N4BP2: variants seen among roughly 807,000 people sequenced by gnomAD.
N4BP2 encodes NEDD4 binding protein 2.
In N4BP2, 91 loss-of-function variants were observed where a neutral mutation model predicts 152.8. The ratio of observed to expected loss-of-function variants is 0.60; its 90% CI spans 0.50 to 0.71. The LOEUF (loss-of-function observed/expected upper bound fraction) is 0.71. Among genes scored for constraint, N4BP2 ranks in the 30% least tolerant of loss-of-function variants. The probability of loss-of-function intolerance (pLI) is 0.00; values close to 1 mark genes in which losing one functional copy is unlikely to be tolerated. For missense variants in N4BP2, 1,923 were observed against 2,059.1 expected, an observed-to-expected ratio of 0.93 and a Z score of 1.28; for synonymous variants, 646 against 705.3, an observed-to-expected ratio of 0.92 and a Z score of 1.33.
chr4:40,096,021 A>G (rs999673950), intron 2 of N4BP2, among the ~76,000 whole-genome samples: 3 of 152,130 alleles, frequency 2.0e-5, no homozygotes, highest in African/African-American at 7.2e-5. Flanking sequence ...GTCAGACCCA[A>G]TGATTAGAGC....
chr4:40,069,883 C>G (rs1711970355), intron 1 of N4BP2, among the ~76,000 whole-genome samples: 1 of 152,132 alleles, frequency 6.6e-6, no homozygotes, highest in Admixed American at 6.6e-5. Flanking sequence ...CCACTGCACT[C>G]CAGCCTGGGT....
Position 40,137,094 on chromosome 4 carries a change from C to T in N4BP2, c.4785+12C>T, listed in dbSNP as rs764435263. 4 of 1,588,530 alleles carry T rather than the reference C, an allele frequency of 2.5e-6. No individual in the cohort carries two copies. The highest frequency in any genetic ancestry group is 3.4e-6 in the Non-Finnish European group (4 of 1,167,772). ...CTAAAGAGAAAAAGGTATGGAGTTA[C>T]TAATTTTTTTTCTACAAGGGTAGAT... On this transcript the variant is annotated intron_variant, in intron 14 of 17. Coordinates refer to ENST00000261435, the MANE Select transcript of N4BP2 (RefSeq NM_018177.6).
At chr4:40,140,997 A>C (rs1719877209) in intron 14 of N4BP2, among the ~76,000 whole-genome samples, 1 of 151,312 alleles carries the variant, frequency 6.6e-6, no homozygotes, top group South Asian at 2.1e-4. Flanking sequence ...CTCCTACTAC[A>C]CAAACACGGC....
At chr4:40,071,673 T>A (rs1331156942) in intron 1 of N4BP2, among the ~76,000 whole-genome samples, 1 of 151,940 alleles carries the variant, frequency 6.6e-6, no homozygotes, top group South Asian at 2.1e-4. Context: ...TTCAGGTGAT[T>A]CTCCTGCCTC....
chr4:40,144,072 A>G (rs1704160), intron 15 of N4BP2, among the ~76,000 whole-genome samples: 122,384 of 151,690 alleles, frequency 0.81, 49,596 homozygotes, highest in East Asian at 0.97. Flanking sequence ...AAGAGCCACC[A>G]AGAGGCAGCT....
At position 40,122,310 on chromosome 4, in the gene N4BP2, G is replaced by A. The variant is rs773490525; in HGVS notation, c.4198+1G>A. 3.2e-6 allele frequency: 5 copies of A among 1,543,680 alleles called. No individual in the cohort carries two copies. The African/African-American group carries it at 4.1e-5, about 13-fold the overall frequency. On this transcript the variant is annotated splice_donor_variant, in intron 9 of 17. Coordinates refer to ENST00000261435, the MANE Select transcript of N4BP2 (RefSeq NM_018177.6). LOFTEE classifies it high-confidence loss of function. ...TTTGGTCCTGTTGGTATTGATTCAG[G>A]TAAGGAAAAAGTAAATGACCATGTG...
the N4BP2 span, among the ~76,000 whole-genome samples, chr4:40,168,450 T>A: frequency 6.6e-6 from 1 of 152,182 alleles, no homozygotes; most frequent in Non-Finnish European, 1.5e-5. Context: ...TGGGACAAGC[T>A]ATTAATGAAC....
At chr4:40,069,741 C>G (rs984101398) in intron 1 of N4BP2, among the ~76,000 whole-genome samples, 5 of 152,044 alleles carry the variant, frequency 3.3e-5, no homozygotes, top group African/African-American at 9.7e-5. Context: ...GACCCTGTCT[C>G]TACAAAACAA....
At chr4:40,110,953 C>T (rs904719242) in intron 5 of N4BP2, among the ~76,000 whole-genome samples, 1 of 152,126 alleles carries the variant, frequency 6.6e-6, no homozygotes, top group African/African-American at 2.4e-5. Flanking sequence ...TGTTGTGGTA[C>T]ATCATTAATT....
In N4BP2 at chr4:40,095,777, C is replaced by T. The variant is rs142172693; in HGVS notation, c.-114-1450C>T. ...AATTTGAAGGAGTACAGGAGTTAGC[C>T]GTGCAGATATCTTGAGGAAGAGTAT... On this transcript the variant is annotated intron_variant, in intron 2 of 17. Coordinates refer to ENST00000261435, the MANE Select transcript of N4BP2 (RefSeq NM_018177.6). Among the ~76,000 whole-genome samples, 15 of 152,174 alleles carry T rather than the reference C, an allele frequency of 9.9e-5. No homozygotes were observed. The East Asian group carries it at 1.4e-3, about 14-fold the overall frequency.
At chr4:40,101,250 G>A (rs1399269175) in intron 3 of N4BP2, among the ~76,000 whole-genome samples, 2 of 152,120 alleles carry the variant, frequency 1.3e-5, no homozygotes, top group Non-Finnish European at 2.9e-5. Context: ...TCTGCCTCCC[G>A]GGTTCAAGAG....
chr4:40,160,063 A>G (rs991035251), downstream of N4BP2, among the ~76,000 whole-genome samples: 4 of 151,992 alleles, frequency 2.6e-5, no homozygotes, highest in African/African-American at 9.7e-5. Flanking sequence ...TAGGTGATCC[A>G]TCCGCCTCAG....
chr4:40,081,280 C>T (rs1454283056), intron 2 of N4BP2, among the ~76,000 whole-genome samples: 3 of 152,104 alleles, frequency 2.0e-5, no homozygotes, highest in Non-Finnish European at 4.4e-5. Flanking sequence ...TTAAGTCAGT[C>T]CCTTTTGTGT....
In N4BP2 at chr4:40,129,415, T is replaced by C. The variant is rs553700997; in HGVS notation, c.4528-2386T>C. ...CTAATTTTTGTATTTTTAGAAGAGA[T>C]GGGGTTTCACCATGTTGGCCAGGCT... On this transcript the variant is annotated intron_variant, in intron 12 of 17. Coordinates refer to ENST00000261435, the MANE Select transcript of N4BP2 (RefSeq NM_018177.6). Among the ~76,000 whole-genome samples, 3 of 151,982 alleles carry C rather than the reference T, an allele frequency of 2.0e-5. No individual in the cohort carries two copies. The South Asian group carries it at 6.2e-4, about 32-fold the overall frequency.
Position 40,141,861 on chromosome 4 carries a change from G to A in N4BP2, c.4786-812G>A, listed in dbSNP as rs558690984. Among the ~76,000 whole-genome samples, 6 of 152,290 alleles carry A rather than the reference G, an allele frequency of 3.9e-5. No homozygotes were observed. The South Asian group carries it at 6.2e-4, about 16-fold the overall frequency. On this transcript the variant is annotated intron_variant, in intron 14 of 17. Transcript: ENST00000261435. ...GGCACCTCGGGAGGCCGAGGCTGGC[G>A]GATCACTCGCGGTTAGGAGCTGGAG...
chr4:40,108,686 T>G (rs1293521044), intron 5 of N4BP2, among the ~76,000 whole-genome samples: 1 of 152,206 alleles, frequency 6.6e-6, no homozygotes, highest in African/African-American at 2.4e-5. Flanking sequence ...GGGGACATCA[T>G]AGGTAAAAAT....
chr4:40,120,833 C>T lies in N4BP2; in HGVS notation c.2722C>T (p.Pro908Ser), dbSNP rs78417585. ...AATGCCAAAGACTGGTTTAAGTGAG[C>T]CCAACCTAGAAATTGGAACAAATGA... ...SRMPKTGLSE[P>S]NLEIGTNDKM... is the part of the protein sequence containing the mutation. The change falls in exon 9 of 18, where the codon CCC becomes TCC. Residue 908 changes from proline (P) to serine (S), a missense_variant. Pro to Ser is a moderately conservative substitution (Grantham distance 74). Transcript: ENST00000261435. 9.7e-3 allele frequency: 15,672 copies of T among 1,614,040 alleles called. 113 individuals carry two copies. Among genetic ancestry groups the T allele is most frequent in the Non-Finnish European group, 0.01 (12,328 of 1,179,982 alleles).
At chr4:40,173,549 CATG>C in the N4BP2 span, among the ~76,000 whole-genome samples, 1 of 152,152 alleles carries the variant, frequency 6.6e-6, no homozygotes, top group Non-Finnish European at 1.5e-5. Context: ...AAGTAAGGCT[CATG>C]ATGATGAACA....
At chr4:40,105,986 C>T (rs967897343) in intron 4 of N4BP2, among the ~76,000 whole-genome samples, 1 of 152,288 alleles carries the variant, frequency 6.6e-6, no homozygotes, top group African/African-American at 2.4e-5. Context: ...AGAATGTAAG[C>T]TCCATGAGTG....
Sources: allele counts gnomAD v4.1 joint callset (sites outside exome capture counted in the v4.1 genomes callset), GRCh38; gene constraint gnomAD v4.1.1; transcripts MANE v1.5; gene names NCBI Gene and HGNC (gene_info 2026-07-23, HGNC 2026-07-21).